Variants in ZNRF2 observed in about 807,000 individuals in gnomAD.
ZNRF2 encodes the protein E3 ubiquitin-protein ligase ZNRF2.
Under a neutral mutation model 20.4 loss-of-function variants are expected in ZNRF2, and 16 were observed. That is an observed-to-expected ratio of 0.79 (90% CI 0.53 to 1.19). The LOEUF (loss-of-function observed/expected upper bound fraction) is 1.19. Ranked by LOEUF, ZNRF2 falls within the 50% of genes most tolerant of loss-of-function variation. ZNRF2 has a pLI of 0.00. For missense variants in ZNRF2, 363 were observed against 332.4 expected (o/e 1.09, Z -0.72); for synonymous variants, 178 against 144.9 (o/e 1.23, Z -1.64).
At chr7:30,317,788 CAG>C (rs1457946454) in intron 1 of ZNRF2, among the ~76,000 whole-genome samples, 1 of 152,154 alleles carries the variant, frequency 6.6e-6, no homozygotes, top group African/African-American at 2.4e-5. Flanking sequence ...GCAGTTTAAA[CAG>C]AGAGAGTGTA....
intron 2 of ZNRF2, among the ~76,000 whole-genome samples, 177 bp from the exon 3 acceptor site, chr7:30,355,548 CATT>C (rs1220949081): frequency 1.3e-5 from 2 of 152,110 alleles, no homozygotes; most frequent in Non-Finnish European, 2.9e-5. Flanking sequence ...TAAAGGTAAA[CATT>C]ATTCAGTCAT....
At chr7:30,309,146 G>A (rs142386707) in intron 1 of ZNRF2, among the ~76,000 whole-genome samples, 8 of 152,162 alleles carry the variant, frequency 5.3e-5, no homozygotes, top group African/African-American at 9.6e-5. Flanking sequence ...AATAGGCTTC[G>A]TATTAAAACA....
intron 2 of ZNRF2, among the ~76,000 whole-genome samples, chr7:30,355,133 T>C (rs1800017068): frequency 1.3e-5 from 2 of 152,120 alleles, no homozygotes; most frequent in South Asian, 4.1e-4. Flanking sequence ...GCCATTGTCA[T>C]GGAAAAAGAT....
intron 1 of ZNRF2, among the ~76,000 whole-genome samples, chr7:30,318,139 T>TA (rs1363239345): frequency 2.0e-5 from 3 of 152,180 alleles, no homozygotes; most frequent in Non-Finnish European, 4.4e-5. Flanking sequence ...CGGCTTTGGA[T>TA]AGAGAACATT....
At chr7:30,296,811 A>C (rs895242326) in intron 1 of ZNRF2, among the ~76,000 whole-genome samples, 1 of 152,226 alleles carries the variant, frequency 6.6e-6, no homozygotes, top group Non-Finnish European at 1.5e-5. Flanking sequence ...TGTCTTTATA[A>C]ATGTTGAACT....
At chr7:30,335,629 A>G (rs1027423212) in intron 2 of ZNRF2, among the ~76,000 whole-genome samples, 1 of 152,086 alleles carries the variant, frequency 6.6e-6, no homozygotes, top group Non-Finnish European at 1.5e-5. Flanking sequence ...AAGGATGAAG[A>G]AGATTTGAGA....
intron 2 of ZNRF2, among the ~76,000 whole-genome samples, chr7:30,336,591 A>G (rs187290265): frequency 2.6e-4 from 39 of 152,146 alleles, no homozygotes; most frequent in Admixed American, 2.6e-3. Flanking sequence ...TTTTTTGTTA[A>G]TTTCTAGGTA....
intron 1 of ZNRF2, among the ~76,000 whole-genome samples, chr7:30,300,458 A>G (rs1163825407): frequency 6.6e-6 from 1 of 152,064 alleles, no homozygotes; most frequent in African/African-American, 2.4e-5. Context: ...GAATACCCCA[A>G]ATGTTTAATT....
At chr7:30,304,654 T>C (rs1158853096) in intron 1 of ZNRF2, among the ~76,000 whole-genome samples, 1 of 152,216 alleles carries the variant, frequency 6.6e-6, no homozygotes, top group African/African-American at 2.4e-5. Flanking sequence ...ACCAGTCTAT[T>C]ATGTTTAGGG....
intron 1 of ZNRF2, among the ~76,000 whole-genome samples, chr7:30,313,883 AAGGTCCATTTGTATT>A (rs1799326979): frequency 6.6e-6 from 1 of 152,216 alleles, no homozygotes; most frequent in Non-Finnish European, 1.5e-5. Flanking sequence ...TCGATTTTAC[AAGGTCCATTTGTATT>A]AGGTAAACCA....
At chr7:30,323,773 G>A in intron 2 of ZNRF2, 36 bp downstream of exon 2, 1 of 1,243,398 alleles carries the variant, frequency 8.0e-7, no homozygotes. Context: ...TTTTAAGTTA[G>A]AATTAACTTA....
chr7:30,298,138 G>GT (rs1002829946), intron 1 of ZNRF2, among the ~76,000 whole-genome samples: 16 of 151,726 alleles, frequency 1.1e-4, no homozygotes, highest in East Asian at 3.9e-4. Flanking sequence ...TTTAAAAATA[G>GT]TTTTTTTTCA....
At chr7:30,319,204 A>G (rs1029358582) in intron 1 of ZNRF2, among the ~76,000 whole-genome samples, 5 of 152,124 alleles carry the variant, frequency 3.3e-5, no homozygotes, top group Non-Finnish European at 7.4e-5. Flanking sequence ...CAGTGGTAGG[A>G]TCATAGTTCA....
Position 30,322,159 on chromosome 7 carries a change from G to A in ZNRF2, c.470-1483G>A, listed in dbSNP as rs957624107. Among the ~76,000 whole-genome samples, 18 of 152,102 alleles carry A rather than the reference G, an allele frequency of 1.2e-4. 1 individual carries two copies. Among genetic ancestry groups the A allele is most frequent in the African/African-American group, 3.9e-4 (16 of 41,414 alleles). On this transcript the variant is annotated intron_variant, in intron 1 of 4. Transcript: ENST00000323037. ...TCTTTCTCTTTTTGGTGGTTTTCAA[G>A]AAGTTGAAGTAAACATACCTTTATT...
rs1360414465 is a variant in ZNRF2, at chr7:30,284,751, G to A, written c.-607G>A. On this transcript the variant is annotated 5_prime_UTR_variant, in exon 1 of 5. Coordinates refer to ENST00000323037, the MANE Select transcript of ZNRF2 (RefSeq NM_147128.4). Reference sequence around the variant, plus strand: ...TCCTTCGCAGGGGGAGCGAGGCGACGGTTGCCGGGAAGCGCGCGCCACCTC... The same window carrying A: ...TCCTTCGCAGGGGGAGCGAGGCGACAGTTGCCGGGAAGCGCGCGCCACCTC... 1 of 178,036 alleles carries A rather than the reference G, an allele frequency of 5.6e-6. No homozygotes were observed. Among genetic ancestry groups the A allele is most frequent in the Non-Finnish European group, 1.2e-5 (1 of 81,678 alleles). The allele number at this position is 178,036 out of a possible 1,614,324, so 11.0% of individuals were successfully genotyped here. A position where few individuals can be genotyped will look rare whatever the true frequency, so the allele number is the denominator to read the frequency against.
intron 1 of ZNRF2, among the ~76,000 whole-genome samples, chr7:30,319,641 G>A (rs1799436075): frequency 6.6e-6 from 1 of 152,214 alleles, no homozygotes; most frequent in South Asian, 2.1e-4. Context: ...GGGAGGGAAT[G>A]ATCAAGTTGA....
At chr7:30,286,222 G>A (rs1447416113) in intron 1 of ZNRF2, among the ~76,000 whole-genome samples, 1 of 152,192 alleles carries the variant, frequency 6.6e-6, no homozygotes, top group African/African-American at 2.4e-5. Context: ...GGGGACTCGA[G>A]TGGGGAACAG....
chr7:30,318,120 T>C (rs894129946), intron 1 of ZNRF2, among the ~76,000 whole-genome samples: 1 of 152,178 alleles, frequency 6.6e-6, no homozygotes, highest in Admixed American at 6.5e-5. Context: ...TTGGGGAAAC[T>C]TGGAGTGCCG....
chr7:30,340,857 A>G (rs766706975), intron 2 of ZNRF2, among the ~76,000 whole-genome samples: 32 of 152,088 alleles, frequency 2.1e-4, no homozygotes, highest in Non-Finnish European at 4.6e-4. Context: ...TTTGGCTGTA[A>G]ATCCTTCTGG....
Sources: allele counts gnomAD v4.1 joint callset (sites outside exome capture counted in the v4.1 genomes callset), GRCh38; gene constraint gnomAD v4.1.1; transcripts MANE v1.5; gene names NCBI Gene and HGNC (gene_info 2026-07-23, HGNC 2026-07-21).